The following ARID5B variants were observed in gnomAD, a reference collection of about 807,000 sequenced individuals.
The protein encoded by ARID5B is AT-rich interaction domain 5B.
A neutral mutation model predicts 97.2 loss-of-function variants in ARID5B; 13 were observed. The observed-to-expected ratio is 0.13, with a 90% CI of 0.09 to 0.21. The LOEUF is 0.21. Ranked by LOEUF, ARID5B falls within the 10% of genes least tolerant of loss-of-function variation. The probability of loss-of-function intolerance (pLI) is 1.00; values close to 1 mark genes in which losing one functional copy is unlikely to be tolerated. For synonymous variants in ARID5B, 556 were observed against 570.3 expected (o/e 0.97, Z 0.36); for missense variants, 1,210 against 1,465.3 (o/e 0.83, Z 2.84).
At chr10:61,939,278 T>A (rs1273084200) in intron 2 of ARID5B, among the ~76,000 whole-genome samples, 1 of 152,122 alleles carries the variant, frequency 6.6e-6, no homozygotes, top group African/African-American at 2.4e-5. Context: ...TAAAACCCAG[T>A]GAGATGATCT....
chr10:61,943,027 A>C lies in ARID5B; in HGVS notation c.502+2619A>C, dbSNP rs150606236. ...ATAGAATTTAGGGCCTTGAAATTCT[A>C]CTCAGTTGCTATGAACTGTGGGGAA... On this transcript the variant is annotated intron_variant, in intron 3 of 9. Coordinates refer to ENST00000279873, the MANE Select transcript of ARID5B (RefSeq NM_032199.3). Among the ~76,000 whole-genome samples the C allele has an allele frequency of 1.2e-4, 18 of 152,282 alleles. 1 individual carries two copies. In the East Asian group the frequency reaches 3.3e-3, roughly 28 times the overall value.
At chr10:62,066,069 A>G (rs1038694727) in intron 7 of ARID5B, among the ~76,000 whole-genome samples, 2 of 152,172 alleles carry the variant, frequency 1.3e-5, no homozygotes, top group Non-Finnish European at 2.9e-5. Context: ...TCCAGATGGA[A>G]TTTTAAAGCT....
At chr10:62,013,861 T>A (rs957892119) in intron 4 of ARID5B, among the ~76,000 whole-genome samples, 10 of 151,352 alleles carry the variant, frequency 6.6e-5, no homozygotes, top group Non-Finnish European at 1.3e-4. Context: ...ATAATACATA[T>A]TTATGGGGGT....
chr10:61,922,309 T>G (rs931975076), intron 2 of ARID5B, among the ~76,000 whole-genome samples: 6 of 152,100 alleles, frequency 3.9e-5, no homozygotes, highest in Non-Finnish European at 8.8e-5. Context: ...CATAAGAAAA[T>G]AGGCATGTTT....
intron 4 of ARID5B, among the ~76,000 whole-genome samples, chr10:62,030,152 G>C (rs1042735710): frequency 6.6e-6 from 1 of 151,312 alleles, no homozygotes; most frequent in South Asian, 2.1e-4. Flanking sequence ...TTTTGAGACA[G>C]AATTTCACTC....
intron 2 of ARID5B, among the ~76,000 whole-genome samples, chr10:61,937,791 G>A (rs1198820422): frequency 1.3e-5 from 2 of 152,196 alleles, no homozygotes; most frequent in Non-Finnish European, 2.9e-5. Context: ...ATGCGAACAT[G>A]TGATTTATGC....
intron 8 of ARID5B, among the ~76,000 whole-genome samples, chr10:62,073,704 A>G (rs1414110468): frequency 1.3e-5 from 2 of 152,236 alleles, no homozygotes. Flanking sequence ...ACAGATGATT[A>G]CCAATATAAA....
chr10:62,050,982 T>C lies in ARID5B; in HGVS notation c.828T>C (p.Asp276=). 6.2e-7 allele frequency: 1 copy of C among 1,614,096 alleles called. No individual in the cohort carries two copies. The highest frequency in any genetic ancestry group is 8.5e-7 in the Non-Finnish European group (1 of 1,179,902). ...TTAAGGATTCCAACAACAATTCCGA[T>C]GGCAAAGCCGTTGCCAAGGTACGGT... The part of the protein sequence containing the change: ...SGVKDSNNNS[D]GKAVAKVKCE... The change falls in exon 5 of 10, where the codon GAT becomes GAC. Residue 276 remains aspartate, a synonymous_variant. Transcript: ENST00000279873.
intron 2 of ARID5B, among the ~76,000 whole-genome samples, chr10:61,925,410 G>A (rs78347883): frequency 0.017 from 2,623 of 152,018 alleles, 79 homozygotes; most frequent in African/African-American, 0.06. Context: ...CTAACTGGGT[G>A]CCAAGCTAGC....
At chr10:61,901,822 C>CTGCACCCA in intron 1 of ARID5B, 92 bp downstream of exon 1, 1 of 1,031,760 alleles carries the variant, frequency 9.7e-7, no homozygotes, top group Non-Finnish European at 1.5e-6. Context: ...CACCCACACC[C>CTGCACCCA]CCCACAAACT....
intron 3 of ARID5B, among the ~76,000 whole-genome samples, chr10:61,989,353 T>C (rs1838891419): frequency 6.6e-6 from 1 of 152,230 alleles, no homozygotes; most frequent in East Asian, 1.9e-4. Flanking sequence ...AATTACAAGT[T>C]GGCTCACATT....
At chr10:62,059,507 GA>G (rs1839896406) in intron 7 of ARID5B, among the ~76,000 whole-genome samples, 1 of 152,124 alleles carries the variant, frequency 6.6e-6, no homozygotes, top group Admixed American at 6.5e-5. Context: ...ACTACAAGTG[GA>G]AAACATATGT....
In ARID5B at chr10:62,089,988, C is replaced by T. The variant is rs142326358; in HGVS notation, c.1399-874C>T. ...GTCATAGATGGAAAGTTAAAATGAC[C>T]TCCTAAGGTCAAAGTTTATATGGCT... is the stretch of plus-strand genomic sequence containing the variant. On this transcript the variant is annotated intron_variant, in intron 9 of 9. Coordinates refer to ENST00000279873, the MANE Select transcript of ARID5B (RefSeq NM_032199.3). Among the ~76,000 whole-genome samples, 1,392 of 152,292 alleles carry T rather than the reference C, an allele frequency of 9.1e-3. 19 individuals are homozygous for T. The highest frequency in any genetic ancestry group is 0.032 in the African/African-American group (1,328 of 41,560).
At chr10:61,921,911 G>A (rs1029133320) in intron 2 of ARID5B, among the ~76,000 whole-genome samples, 1 of 151,924 alleles carries the variant, frequency 6.6e-6, no homozygotes, top group African/African-American at 2.4e-5. Flanking sequence ...GTGTGACCAC[G>A]GCTCACTGCA....
At chr10:61,989,018 C>T (rs1200507422) in intron 3 of ARID5B, among the ~76,000 whole-genome samples, 2 of 148,324 alleles carry the variant, frequency 1.3e-5, no homozygotes, top group Admixed American at 1.4e-4. Context: ...CAACCTCTGC[C>T]TCCTGGGTTT....
Position 62,091,111 on chromosome 10 carries a change from G to GA in ARID5B, c.1653dup (p.Asp552ArgfsTer17). The GA allele has an allele frequency of 6.2e-7, 1 of 1,614,126 alleles. No homozygotes were observed. Among genetic ancestry groups the GA allele is most frequent in the Non-Finnish European group, 8.5e-7 (1 of 1,180,020 alleles). On this transcript the variant is annotated frameshift_variant, in exon 10 of 10. Coordinates refer to ENST00000279873, the MANE Select transcript of ARID5B (RefSeq NM_032199.3). LOFTEE classifies it high-confidence loss of function. ...ACTCCCAAGTGCTCCTCTGGCCCCA[G>GA]AAAAAGATTCAGCCTTGGTCCCTGG...
chr10:61,987,672 T>C (rs1288978888), intron 3 of ARID5B, among the ~76,000 whole-genome samples: 1 of 152,202 alleles, frequency 6.6e-6, no homozygotes, highest in East Asian at 1.9e-4. Flanking sequence ...CCAAAGACAA[T>C]ATGTAAATGA....
At chr10:61,979,117 C>T (rs1238060776) in intron 3 of ARID5B, among the ~76,000 whole-genome samples, 1 of 148,986 alleles carries the variant, frequency 6.7e-6, no homozygotes, top group Non-Finnish European at 1.5e-5. Context: ...ACGGGAGACC[C>T]GAGTACACAT....
chr10:61,909,627 CAGTG>C (rs1484487409), intron 2 of ARID5B, among the ~76,000 whole-genome samples: 1 of 152,180 alleles, frequency 6.6e-6, no homozygotes, highest in African/African-American at 2.4e-5. Context: ...GCCTGGCCTT[CAGTG>C]AGTATTTTCT....
Sources: gnomAD v4.1 joint callset for allele counts (sites outside exome capture counted in the v4.1 genomes callset) on GRCh38, gnomAD v4.1.1 for gene constraint, MANE v1.5 for transcripts, NCBI Gene and HGNC (gene_info 2026-07-23, HGNC 2026-07-21) for gene names.